The following FANCI variants were observed in gnomAD, a reference collection of about 807,000 sequenced individuals.
The protein encoded by FANCI is FA complementation group I.
A neutral mutation model predicts 176.1 loss-of-function variants in FANCI; 156 were observed. That is an observed-to-expected ratio of 0.89 (90% CI 0.78 to 1.01). The LOEUF is 1.01. FANCI is among the 50% of genes least tolerant of loss of function. FANCI has a pLI of 0.00. For synonymous variants in FANCI, 613 were observed against 541.7 expected (o/e 1.13, Z -1.83); for missense variants, 1,678 against 1,534.1 (o/e 1.09, Z -1.57).
At position 89,300,285 on chromosome 15, in the gene FANCI, C is replaced by T. The variant is rs1399866242; in HGVS notation, c.2804-15C>T. The T allele has an allele frequency of 1.2e-6, 2 of 1,611,232 alleles. No homozygotes were observed. Among genetic ancestry groups the T allele is most frequent in the Non-Finnish European group, 8.5e-7 (1 of 1,177,690 alleles). ...TTTATATCAAAGAAGACAAGAGTTT[C>T]TTTTCCATTCCTAGATGTCACAGAT... On this transcript the variant is annotated splice_polypyrimidine_tract_variant and intron_variant, in intron 25 of 37. Transcript: ENST00000310775.
At position 89,247,736 on chromosome 15, in the gene FANCI, G is replaced by C; in HGVS notation, c.84+5G>C. 1 of 1,612,474 alleles carries C rather than the reference G, an allele frequency of 6.2e-7. No individual in the cohort carries two copies. The highest frequency in any genetic ancestry group is 8.5e-7 in the Non-Finnish European group (1 of 1,178,628). Reference sequence around the variant, plus strand: ...CAAACCCTGAGAGAAGGTGATGTGAGTATTAGGAAGCATGTTCTGCTAAAA... The same window carrying C: ...CAAACCCTGAGAGAAGGTGATGTGACTATTAGGAAGCATGTTCTGCTAAAA... On this transcript the variant is annotated splice_donor_5th_base_variant and intron_variant, in intron 2 of 37. Transcript: ENST00000310775.
chr15:89,250,258 G>A lies in FANCI; in HGVS notation c.84+2527G>A, dbSNP rs150464580. Among the ~76,000 whole-genome samples the A allele has an allele frequency of 8.8e-4, 134 of 152,052 alleles. 2 individuals carry two copies. The South Asian group carries it at 0.011, about 12-fold the overall frequency. On this transcript the variant is annotated intron_variant, in intron 2 of 37. Transcript: ENST00000310775. ...ACACATTCACACGTATGTTTATTGC[G>A]GCACTATTCACAATAGCAAAGACTT...
chr15:89,295,732 G>A (rs1403769774), intron 24 of FANCI, among the ~76,000 whole-genome samples: 1 of 114,460 alleles, frequency 8.7e-6, no homozygotes, highest in Non-Finnish European at 1.9e-5. Context: ...TTCCCCTGGC[G>A]CCCCCCCCAC....
chr15:89,311,342 C>T (rs1465996393), intron 34 of FANCI, among the ~76,000 whole-genome samples: 4 of 152,156 alleles, frequency 2.6e-5, no homozygotes, highest in Admixed American at 6.5e-5. Context: ...TCGCTTGAAC[C>T]TGGGAGGCAG....
intron 13 of FANCI, among the ~76,000 whole-genome samples, chr15:89,278,221 A>T (rs1269344147): frequency 6.6e-6 from 1 of 152,240 alleles, no homozygotes; most frequent in African/African-American, 2.4e-5. Flanking sequence ...ACTACAATTC[A>T]AGTGAAAATT....
At chr15:89,286,097 TCTC>T (rs1464838065) in intron 18 of FANCI, among the ~76,000 whole-genome samples, 2 of 152,080 alleles carry the variant, frequency 1.3e-5, no homozygotes, top group Admixed American at 6.6e-5. Context: ...TTCAAGCAGT[TCTC>T]CTGCTTCTCA....
chr15:89,273,605 G>T, intron 11 of FANCI, 136 bp downstream of exon 11: 1 of 657,694 alleles, frequency 1.5e-6, no homozygotes, highest in East Asian at 2.8e-5. Context: ...CAGCAAAGCT[G>T]CAATAAGACA....
At chr15:89,246,923 G>A (rs1215996394) in intron 1 of FANCI, among the ~76,000 whole-genome samples, 1 of 151,234 alleles carries the variant, frequency 6.6e-6, no homozygotes, top group Non-Finnish European at 1.5e-5. Flanking sequence ...CCGCCACCAC[G>A]CCCAGCTAAT....
chr15:89,294,852 T>A (rs2151753224), intron 23 of FANCI, 63 bp from the exon 24 acceptor site: 1 of 1,502,476 alleles, frequency 6.7e-7, no homozygotes, highest in East Asian at 2.5e-5. Flanking sequence ...AAAGCTTAAT[T>A]CCATATACCA....
In FANCI at chr15:89,294,843, A is replaced by C. The variant is rs1219779491; in HGVS notation, c.2457-72A>C. 6.8e-6 allele frequency: 10 copies of C among 1,474,384 alleles called. No individual in the cohort carries two copies. In the Admixed American group the frequency reaches 2.2e-4, roughly 33 times the overall value. The allele number at this position is 1,474,384 out of a possible 1,614,324, so 91.3% of individuals were successfully genotyped here. A position where few individuals can be genotyped will look rare whatever the true frequency, so the allele number is the denominator to read the frequency against. ...GCTGCTGTTCTGAACAATTTCTAGAAAGCTTAATTCCATATACCAATAGCA... is the reference window on the plus strand; with the variant it reads ...GCTGCTGTTCTGAACAATTTCTAGACAGCTTAATTCCATATACCAATAGCA... On this transcript the variant is annotated intron_variant, in intron 23 of 37. Transcript: ENST00000310775.
chr15:89,290,593 G>A, intron 19 of FANCI: 1 of 271,920 alleles, frequency 3.7e-6, no homozygotes, highest in Non-Finnish European at 7.1e-6. Context: ...ATTTCTGAAA[G>A]AAAAAAGAAA....
At chr15:89,307,791 C>A (rs1037962849) in intron 34 of FANCI, 119 bp downstream of exon 34, 1 of 1,569,166 alleles carries the variant, frequency 6.4e-7, no homozygotes, top group Non-Finnish European at 8.6e-7. Flanking sequence ...TTACCACAAG[C>A]TGGAGGCACC....
chr15:89,262,930 C>T (rs1289494988), intron 6 of FANCI, among the ~76,000 whole-genome samples: 1 of 152,142 alleles, frequency 6.6e-6, no homozygotes, highest in African/African-American at 2.4e-5. Context: ...GGGAATCTTG[C>T]TTTATTGGCC....
At chr15:89,258,132 C>G (rs180930561) in intron 2 of FANCI, among the ~76,000 whole-genome samples, 1 of 152,020 alleles carries the variant, frequency 6.6e-6, no homozygotes, top group East Asian at 1.9e-4. Context: ...GCTTCTTGGA[C>G]ATTGCACGTG....
chr15:89,277,247 T>A (rs1180672187), intron 13 of FANCI, among the ~76,000 whole-genome samples: 1 of 152,138 alleles, frequency 6.6e-6, no homozygotes, highest in East Asian at 1.9e-4. Context: ...ACAGAAGAAA[T>A]TTTTTTAGGT....
chr15:89,245,219 A>C (rs2051900388), intron 1 of FANCI: 1 of 147,774 alleles, frequency 6.8e-6, no homozygotes, highest in Non-Finnish European at 1.5e-5. Context: ...GCCAGGCTGG[A>C]GTGCAGTGGC....
intron 18 of FANCI, among the ~76,000 whole-genome samples, chr15:89,287,239 C>T (rs1045381751): frequency 3.3e-5 from 5 of 152,162 alleles, no homozygotes; most frequent in Admixed American, 6.5e-5. Flanking sequence ...TCCTAAAGTG[C>T]TGGGATTACA....
intron 27 of FANCI, among the ~76,000 whole-genome samples, chr15:89,303,395 CT>C (rs2054595776): frequency 6.6e-6 from 1 of 152,200 alleles, no homozygotes; most frequent in Non-Finnish European, 1.5e-5. Flanking sequence ...GGTTTCTTGC[CT>C]CTTTTATTTC....
chr15:89,283,379 A>G (rs2151583541), intron 17 of FANCI, 129 bp downstream of exon 17: 1 of 1,387,928 alleles, frequency 7.2e-7, no homozygotes, highest in East Asian at 2.4e-5. Flanking sequence ...TCTGATGATG[A>G]TGATGGTGCT....
Sources: allele counts gnomAD v4.1 joint callset (sites outside exome capture counted in the v4.1 genomes callset), GRCh38; gene constraint gnomAD v4.1.1; transcripts MANE v1.5; gene names NCBI Gene and HGNC (gene_info 2026-07-23, HGNC 2026-07-21).